Variants in ADAMTS2 observed in about 807,000 individuals in gnomAD.
The protein encoded by ADAMTS2 is A disintegrin and metalloproteinase with thrombospondin motifs 2.
ADAMTS2 carries 50 observed loss-of-function variants against 123.0 expected under a neutral mutation model. The ratio of observed to expected loss-of-function variants is 0.41; its 90% CI spans 0.32 to 0.51. ADAMTS2 has a LOEUF of 0.51. ADAMTS2 is among the 20% of genes least tolerant of loss of function. The pLI is 0.35. For missense variants in ADAMTS2, 1,494 were observed against 1,705.2 expected (o/e 0.88, Z 2.18); for synonymous variants, 678 against 695.4 (o/e 0.98, Z 0.39).
In ADAMTS2 at chr5:179,121,641, G is replaced by A. The variant is rs771248131; in HGVS notation, c.3178+20C>T. 4.4e-6 allele frequency: 7 copies of A among 1,593,162 alleles called. No individual in the cohort carries two copies. The highest frequency in any genetic ancestry group is 1.3e-5 in the African/African-American group (1 of 74,388). ...GCATGCACTGGAGGGCAGAGGCAGA[G>A]TTATAAACGGGTCGGTTACTTGACG... On this transcript the variant is annotated intron_variant, in intron 21 of 21. Coordinates refer to ENST00000251582, the MANE Select transcript of ADAMTS2 (RefSeq NM_014244.5).
chr5:179,320,615 G>A (rs993482213), intron 2 of ADAMTS2, among the ~76,000 whole-genome samples: 2 of 151,990 alleles, frequency 1.3e-5, no homozygotes, highest in African/African-American at 4.8e-5. Flanking sequence ...ACTGTTCCTG[G>A]CCCACCCTTC....
chr5:179,300,712 G>A (rs1756491079), intron 2 of ADAMTS2, among the ~76,000 whole-genome samples: 1 of 152,140 alleles, frequency 6.6e-6, no homozygotes, highest in Non-Finnish European at 1.5e-5. Flanking sequence ...GGAGGCCCTG[G>A]TTTAAGAAGA....
rs1034497419 is a variant in ADAMTS2, at chr5:179,308,010, G to A, written c.535-34946C>T. Reference sequence around the variant, plus strand: ...CAGACCAGTGCCTGGCATCTCACAGGCATGGAGTTGAGTACGGGAGGTCGC... The same window carrying A: ...CAGACCAGTGCCTGGCATCTCACAGACATGGAGTTGAGTACGGGAGGTCGC... On this transcript the variant is annotated intron_variant, in intron 2 of 21. Transcript: ENST00000251582. This position sits in a 1 kb window ranked among gnomAD's most constrained non-coding sequence, Gnocchi z 6.6. Among the ~76,000 whole-genome samples the A allele has an allele frequency of 6.6e-6, 1 of 152,174 alleles. No individual in the cohort carries two copies. Among genetic ancestry groups the A allele is most frequent in the African/African-American group, 2.4e-5 (1 of 41,442 alleles).
At position 179,114,288 on chromosome 5, in the gene ADAMTS2, C is replaced by G; in HGVS notation, c.3215G>C (p.Arg1072Thr). ...GCAATAGCGGGACAAGACTTCCATC[C>G]TACAGAATATTGACTTGTCGCCTTG... ...HCQGDKSIFC[R>T]MEVLSRYCSI... The change falls in exon 22 of 22, where the codon AGG becomes ACG. Residue 1072 changes from arginine to threonine, a missense_variant. By Grantham distance (71) the Arg-to-Thr change is moderately conservative. Coordinates refer to ENST00000251582, the MANE Select transcript of ADAMTS2 (RefSeq NM_014244.5). 6.2e-7 allele frequency: 1 copy of G among 1,614,106 alleles called. No individual in the cohort carries two copies. Among genetic ancestry groups the G allele is most frequent in the Non-Finnish European group, 8.5e-7 (1 of 1,180,022 alleles).
At chr5:179,277,260 T>C (rs543190348) in intron 2 of ADAMTS2, among the ~76,000 whole-genome samples, 4 of 152,070 alleles carry the variant, frequency 2.6e-5, no homozygotes, top group South Asian at 4.2e-4. Context: ...CACCGTGCGA[T>C]GCGCACAACG....
Position 179,158,752 on chromosome 5 carries a change from C to T in ADAMTS2, c.1103G>A (p.Arg368Gln), listed in dbSNP as rs146441575. 10 of 1,614,226 alleles carry T rather than the reference C, an allele frequency of 6.2e-6. No homozygotes were observed. The highest frequency in any genetic ancestry group is 1.6e-4 in the Middle Eastern group (1 of 6,062). ...CATGCCGGAAGGCCCAAAGTCCTGC[C>T]GTGTGAGGAAGATGGCGTGATCGTG... Reference protein sequence around the residue: ...EYHDHAIFLTRQDFGPSGMQG... With the variant: ...EYHDHAIFLTQQDFGPSGMQG... The change falls in exon 6 of 22, where the codon CGG becomes CAG. Residue 368 changes from arginine to glutamine, a missense_variant. Around this residue, in one of 6 missense-constraint regions of ADAMTS2, gnomAD observed 47 missense variants for 92.7 expected, o/e 0.51. Coordinates refer to ENST00000251582, the MANE Select transcript of ADAMTS2 (RefSeq NM_014244.5). This position sits in a 1 kb window ranked among gnomAD's most constrained non-coding sequence, Gnocchi z 5.0.
At position 179,221,278 on chromosome 5, in the gene ADAMTS2, C is replaced by T. The variant is rs557994574; in HGVS notation, c.689-13563G>A. 4.6e-5 allele frequency among the ~76,000 whole-genome samples: 7 copies of T among 152,296 alleles called. No homozygotes were observed. In the South Asian group the frequency reaches 1.2e-3, roughly 27 times the overall value. On this transcript the variant is annotated intron_variant, in intron 3 of 21. Transcript: ENST00000251582. ...AAGCCCTGGGCCCAGGCAACAGGCA[C>T]CCCTGCGTGACCCCAGCATCTGGCT...
rs1762925507 is a variant in ADAMTS2, at chr5:179,129,665, GTCAT to G, written c.2457+263_2457+266del. Among the ~76,000 whole-genome samples, 4 of 152,188 alleles carry G rather than the reference GTCAT, an allele frequency of 2.6e-5. No individual in the cohort carries two copies. Among genetic ancestry groups the G allele is most frequent in the Admixed American group, 2.6e-4 (4 of 15,276 alleles). On this transcript the variant is annotated intron_variant, in intron 16 of 21. Coordinates refer to ENST00000251582, the MANE Select transcript of ADAMTS2 (RefSeq NM_014244.5). The surrounding 1 kb of genome is among the most constrained non-coding windows in gnomAD (Gnocchi z 4.1). ...GAGCATGCTGATGGCAGCTGTGAAT[GTCAT>G]TCAGATGGTGAAACCGAAACCCTCA...
chr5:179,296,235 G>A (rs1414076403), intron 2 of ADAMTS2, among the ~76,000 whole-genome samples: 1 of 152,184 alleles, frequency 6.6e-6, no homozygotes, highest in Non-Finnish European at 1.5e-5. Flanking sequence ...GGAGGTGGCG[G>A]CAGGGGCTGT....
intron 3 of ADAMTS2, among the ~76,000 whole-genome samples, chr5:179,210,964 T>C (rs189256): frequency 0.31 from 46,785 of 152,222 alleles, 7,915 homozygotes; most frequent in Non-Finnish European, 0.39. Flanking sequence ...TGCAGACCTG[T>C]TCCCCAAATA....
intron 3 of ADAMTS2, among the ~76,000 whole-genome samples, chr5:179,255,811 G>T (rs1766035626): frequency 6.6e-6 from 1 of 152,154 alleles, no homozygotes; most frequent in South Asian, 2.1e-4. Context: ...CTCCTTCCTG[G>T]TGTCTTCATC....
rs1429635721 is a variant in ADAMTS2 at position 179,242,050 on chromosome 5, A to C, written c.688+30861T>G. On this transcript the variant is annotated intron_variant, in intron 3 of 21. Coordinates refer to ENST00000251582, the MANE Select transcript of ADAMTS2 (RefSeq NM_014244.5). The surrounding 1 kb of genome is among the most constrained non-coding windows in gnomAD (Gnocchi z 4.2). ...GCACAGTGATTGGTCCAGGGGGTGA[A>C]CACATGACTGGAGTGAGACTAATCA... Among the ~76,000 whole-genome samples the C allele has an allele frequency of 2.0e-5, 3 of 152,214 alleles. No individual in the cohort carries two copies. Among genetic ancestry groups the C allele is most frequent in the Non-Finnish European group, 4.4e-5 (3 of 68,038 alleles).
chr5:179,209,953 A>T (rs371357540), intron 3 of ADAMTS2, among the ~76,000 whole-genome samples: 3 of 152,370 alleles, frequency 2.0e-5, no homozygotes, highest in African/African-American at 7.2e-5. Context: ...ACTAGGGGTC[A>T]CACACGGGCG....
In ADAMTS2 at chr5:179,189,144, GTC is replaced by G. The variant is rs1395014485; in HGVS notation, c.892-7991_892-7990del. On this transcript the variant is annotated intron_variant, in intron 4 of 21. Coordinates refer to ENST00000251582, the MANE Select transcript of ADAMTS2 (RefSeq NM_014244.5). The surrounding 1 kb of genome is among the most constrained non-coding windows in gnomAD (Gnocchi z 4.2). ...AAATGGAGATAATAATAGTCCCTGT[GTC>G]TCAGGGTTGTTTCAGGTTGAAGCAA... Among the ~76,000 whole-genome samples, 1 of 152,128 alleles carries G rather than the reference GTC, an allele frequency of 6.6e-6. No individual in the cohort carries two copies. The highest frequency in any genetic ancestry group is 1.5e-5 in the Non-Finnish European group (1 of 68,034).
chr5:179,184,369 G>A (rs1764117525), intron 4 of ADAMTS2, among the ~76,000 whole-genome samples: 1 of 152,082 alleles, frequency 6.6e-6, no homozygotes, highest in Admixed American at 6.5e-5. Flanking sequence ...AAATTAGCCA[G>A]GCATGGTGGC....
In ADAMTS2 at chr5:179,280,011, G is replaced by A. The variant is rs560845278; in HGVS notation, c.535-6947C>T. Among the ~76,000 whole-genome samples the A allele has an allele frequency of 2.6e-5, 4 of 152,332 alleles. No individual in the cohort carries two copies. In the South Asian group the frequency reaches 6.2e-4, roughly 24 times the overall value. On this transcript the variant is annotated intron_variant, in intron 2 of 21. Transcript: ENST00000251582. Reference sequence around the variant, plus strand: ...CCTTCCTCTTGGAGAGCGACCCCTTGTCTAGGGCTCTGTCTTGGAGCTATG... The same window carrying A: ...CCTTCCTCTTGGAGAGCGACCCCTTATCTAGGGCTCTGTCTTGGAGCTATG...
intron 4 of ADAMTS2, among the ~76,000 whole-genome samples, chr5:179,196,724 A>C (rs1023774084): frequency 6.6e-6 from 1 of 152,234 alleles, no homozygotes; most frequent in Admixed American, 6.5e-5. Flanking sequence ...GCAGGCACTA[A>C]GCAAGTACAT....
In ADAMTS2 at chr5:179,121,727, T is replaced by C; in HGVS notation, c.3112A>G (p.Lys1038Glu). The C allele has an allele frequency of 1.3e-6, 2 of 1,587,550 alleles. No individual in the cohort carries two copies. Among genetic ancestry groups the C allele is most frequent in the Non-Finnish European group, 1.7e-6 (2 of 1,166,306 alleles). ...CPRNISDPSK[K>E]SYVVQWLSRP... ...GACAGCCACTGAACTACGTAGCTCT[T>C]CTTGGAGGGATCTGAGATGTTTCCT... The change falls in exon 21 of 22, where the codon AAG (lysine) becomes GAG (glutamate). Residue 1038 changes from lysine (K) to glutamate (E), a missense_variant. Lys to Glu is a moderately conservative substitution (Grantham distance 56, BLOSUM62 1). Around this residue, in one of 6 missense-constraint regions of ADAMTS2, gnomAD observed 953 missense variants for 1,124.7 expected, o/e 0.85. Transcript: ENST00000251582.
intron 3 of ADAMTS2, among the ~76,000 whole-genome samples, chr5:179,226,402 G>A (rs1441904841): frequency 1.3e-5 from 2 of 151,440 alleles, no homozygotes; most frequent in Non-Finnish European, 2.9e-5. Flanking sequence ...AAGCAGCTGG[G>A]ATTACAGGTG....
Sources: gnomAD v4.1 joint callset for allele counts (sites outside exome capture counted in the v4.1 genomes callset) on GRCh38, gnomAD v4.1.1 for gene constraint, gnomAD v4.1.1 regional missense constraint, Gnocchi (gnomAD v3.1) non-coding constraint, MANE v1.5 for transcripts, NCBI Gene and HGNC (gene_info 2026-07-23, HGNC 2026-07-21) for gene names.